EML4: variants seen among roughly 807,000 people sequenced by gnomAD.
EML4 encodes the protein EMAP like 4.
Under a neutral mutation model 129.0 loss-of-function variants are expected in EML4, and 72 were observed. The observed-to-expected ratio is 0.56, with a 90% CI of 0.46 to 0.68. The LOEUF is 0.68. EML4 is among the 30% of genes least tolerant of loss of function. The pLI, the probability that EML4 is intolerant of heterozygous loss-of-function variation, is 0.00. For missense variants in EML4, 1,363 were observed against 1,190.6 expected, an observed-to-expected ratio of 1.14 and a Z score of -2.13; for synonymous variants, 532 against 405.0, an observed-to-expected ratio of 1.31 and a Z score of -3.77.
At chr2:42,236,332 AT>A (rs1333875140) in intron 1 of EML4, among the ~76,000 whole-genome samples, 1 of 152,164 alleles carries the variant, frequency 6.6e-6, no homozygotes, top group Non-Finnish European at 1.5e-5. Flanking sequence ...ATTGATAGAT[AT>A]TTAGGTTGTT....
At position 42,286,378 on chromosome 2, in the gene EML4, CAGTA is replaced by C; in HGVS notation, c.1122+5_1122+8del. The C allele has an allele frequency of 6.3e-7, 1 of 1,577,810 alleles. No individual in the cohort carries two copies. The highest frequency in any genetic ancestry group is 8.7e-7 in the Non-Finnish European group (1 of 1,147,042). On this transcript the variant is annotated splice_donor_variant and splice_donor_region_variant and coding_sequence_variant and intron_variant, in exon 10 of 23. Transcript: ENST00000318522. LOFTEE classifies it high-confidence loss of function. ...GTAGGATGCCTGGATTTTTCAAAAG[CAGTA>C]AGTAACAATTTTTAGAGAAGTAAGC... is the stretch of plus-strand genomic sequence containing the variant.
In EML4 at chr2:42,317,438, C is replaced by T; in HGVS notation, c.2068C>T (p.Leu690=). Residue 690 remains leucine, a synonymous_variant, in exon 19 of 23, where the codon CTG becomes TTG. Coordinates refer to ENST00000318522, the MANE Select transcript of EML4 (RefSeq NM_019063.5). ...CTATTTTATTCTAGATGGTACCTTC[C>T]TGGCTGTAGGATCTCATGACAACTT... ...VMRYSIDGTF[L]AVGSHDNFIY... 6.2e-7 allele frequency: 1 copy of T among 1,609,490 alleles called. No individual in the cohort carries two copies. Among genetic ancestry groups the T allele is most frequent in the Non-Finnish European group, 8.5e-7 (1 of 1,176,916 alleles).
chr2:42,311,321 C>G (rs1219410195), intron 17 of EML4, among the ~76,000 whole-genome samples: 2 of 152,202 alleles, frequency 1.3e-5, no homozygotes, highest in African/African-American at 4.8e-5. Context: ...AATCCCAGCA[C>G]TTTGGGAGGC....
rs1670141535 is a variant in EML4, at chr2:42,332,246, CAATG to C, written c.*2041_*2044del. On this transcript the variant is annotated 3_prime_UTR_variant, in exon 23 of 23. Coordinates refer to ENST00000318522, the MANE Select transcript of EML4 (RefSeq NM_019063.5). ...CAGTCACCTTTGGGGTTGCCATGTA[CAATG>C]AGATTTATAATCATGATACTCTTCG... The C allele has an allele frequency of 4.6e-6, 1 of 215,694 alleles. No individual in the cohort carries two copies. The highest frequency in any genetic ancestry group is 9.4e-6 in the Non-Finnish European group (1 of 106,770). The allele number at this position is 215,694 out of a possible 1,614,324, so 13.4% of individuals were successfully genotyped here.
intron 1 of EML4, among the ~76,000 whole-genome samples, chr2:42,197,568 A>G (rs1361025658): frequency 1.3e-5 from 2 of 148,388 alleles, no homozygotes; most frequent in Admixed American, 6.8e-5. Context: ...TAGTCTTCAG[A>G]AAAAAAAAAC....
intron 1 of EML4, among the ~76,000 whole-genome samples, chr2:42,243,619 T>C (rs1675179967): frequency 1.3e-5 from 2 of 152,314 alleles, no homozygotes; most frequent in South Asian, 4.1e-4. Flanking sequence ...GAAGTCTAGA[T>C]TAAAGATGAA....
chr2:42,244,087 TG>T (rs1558534128), intron 1 of EML4, among the ~76,000 whole-genome samples: 3 of 64,454 alleles, frequency 4.7e-5, no homozygotes, highest in Non-Finnish European at 1.2e-4. Flanking sequence ...TTTTGTTTTT[TG>T]TTTTTGTTTT....
chr2:42,200,404 A>G (rs1294970059), intron 1 of EML4, among the ~76,000 whole-genome samples: 1 of 152,212 alleles, frequency 6.6e-6, no homozygotes, highest in Non-Finnish European at 1.5e-5. Context: ...TTTGCTCCAC[A>G]TGTGACCTGT....
chr2:42,180,240 T>G (rs1355044785), intron 1 of EML4, among the ~76,000 whole-genome samples: 1 of 152,228 alleles, frequency 6.6e-6, no homozygotes, highest in Non-Finnish European at 1.5e-5. Flanking sequence ...GTTCCGTGTA[T>G]GTATCATGTG....
chr2:42,175,339 G>T (rs1003508223), intron 1 of EML4, among the ~76,000 whole-genome samples: 3 of 151,748 alleles, frequency 2.0e-5, no homozygotes, highest in South Asian at 2.1e-4. Context: ...GGTTGTGATC[G>T]CCTGACCTTG....
At chr2:42,183,140 G>A (rs911953480) in intron 1 of EML4, among the ~76,000 whole-genome samples, 3 of 152,144 alleles carry the variant, frequency 2.0e-5, no homozygotes, top group Non-Finnish European at 4.4e-5. Flanking sequence ...GGGTGACGGA[G>A]TGGTGACTGA....
chr2:42,204,545 A>T (rs969369050), intron 1 of EML4, among the ~76,000 whole-genome samples: 2 of 152,202 alleles, frequency 1.3e-5, no homozygotes, highest in Non-Finnish European at 2.9e-5. Flanking sequence ...TTTATTTATC[A>T]ACACTGAATT....
At chr2:42,288,176 T>C (rs371936472) in intron 10 of EML4, 51 bp from the exon 11 acceptor site, 14 of 770,582 alleles carry the variant, frequency 1.8e-5, no homozygotes, top group African/African-American at 1.6e-4. Flanking sequence ...TTTCTTAGAA[T>C]GTTAGCCCTA....
At chr2:42,240,346 T>TA (rs572345060) in intron 1 of EML4, among the ~76,000 whole-genome samples, 1 of 152,252 alleles carries the variant, frequency 6.6e-6, no homozygotes, top group African/African-American at 2.4e-5. Context: ...TTTCTAATCT[T>TA]ACCTTCCTAG....
At chr2:42,221,403 CTTTTTTTTTTT>C (rs74816568) in intron 1 of EML4, among the ~76,000 whole-genome samples, 18 of 108,232 alleles carry the variant, frequency 1.7e-4, no homozygotes, top group Admixed American at 8.6e-4. Context: ...ACATGGTTTA[CTTTTTTTTTTT>C]TTTTTTTTTT....
chr2:42,305,583 A>C (rs997778106), intron 17 of EML4, among the ~76,000 whole-genome samples: 1 of 152,246 alleles, frequency 6.6e-6, no homozygotes, highest in Non-Finnish European at 1.5e-5. Context: ...AAATAATTTA[A>C]GACCTGTCTT....
In EML4 at chr2:42,169,419, T is replaced by C; in HGVS notation, c.-193T>C. On this transcript the variant is annotated 5_prime_UTR_variant, in exon 1 of 23. Coordinates refer to ENST00000318522, the MANE Select transcript of EML4 (RefSeq NM_019063.5). ...CGGCTGAGCGGCGCGGCTCTCAACG[T>C]GACGGGGAAGTGGTTCGGGCGGCCG... 1 of 492,562 alleles carries C rather than the reference T, an allele frequency of 2.0e-6. No homozygotes were observed. Among genetic ancestry groups the C allele is most frequent in the Non-Finnish European group, 3.5e-6 (1 of 284,428 alleles). The allele number at this position is 492,562 out of a possible 1,614,324, so 30.5% of individuals were successfully genotyped here.
chr2:42,202,901 G>T (rs1251101862), intron 1 of EML4, among the ~76,000 whole-genome samples: 2 of 152,098 alleles, frequency 1.3e-5, no homozygotes, highest in African/African-American at 2.4e-5. Flanking sequence ...GGTGGTGTAT[G>T]CCTGTAGTCC....
chr2:42,326,866 A>G (rs1400930016), intron 21 of EML4, among the ~76,000 whole-genome samples: 1 of 152,176 alleles, frequency 6.6e-6, no homozygotes, highest in Non-Finnish European at 1.5e-5. Context: ...TGGGTGACAG[A>G]GTGAGACTCC....
Sources: allele counts gnomAD v4.1 joint callset (sites outside exome capture counted in the v4.1 genomes callset), GRCh38; gene constraint gnomAD v4.1.1; transcripts MANE v1.5; gene names NCBI Gene and HGNC (gene_info 2026-07-23, HGNC 2026-07-21).